The following CACNG3 variants were observed in gnomAD, a reference collection of about 807,000 sequenced individuals.
CACNG3 encodes voltage-dependent calcium channel gamma-3 subunit.
A neutral mutation model predicts 28.5 loss-of-function variants in CACNG3; 3 were observed. That is an observed-to-expected ratio of 0.11 (90% CI 0.05 to 0.27). The LOEUF (loss-of-function observed/expected upper bound fraction) is 0.27, where lower values mean the gene tolerates loss of function less well. CACNG3 is among the 10% of genes least tolerant of loss of function. The probability of loss-of-function intolerance (pLI) is 1.00; values close to 1 mark genes in which losing one functional copy is unlikely to be tolerated. For synonymous variants in CACNG3, 174 were observed against 162.2 expected, an observed-to-expected ratio of 1.07 and a Z score of -0.55; for missense variants, 236 against 414.4, an observed-to-expected ratio of 0.57 and a Z score of 3.74.
chr16:24,291,967 C>T (rs760881946), intron 1 of CACNG3, among the ~76,000 whole-genome samples: 11 of 151,802 alleles, frequency 7.2e-5, no homozygotes, highest in South Asian at 2.1e-4. Context: ...GGAGGCAGAA[C>T]GGAGCAACTT....
At chr16:24,355,007 A>G (rs1287490433) in intron 3 of CACNG3, 34 bp downstream of exon 3, 1 of 1,599,390 alleles carries the variant, frequency 6.3e-7, no homozygotes, top group Non-Finnish European at 8.5e-7. Flanking sequence ...AGATCTTCAC[A>G]GATACCAAAC....
intron 1 of CACNG3, among the ~76,000 whole-genome samples, chr16:24,280,004 T>C (rs1898802974): frequency 6.6e-6 from 1 of 152,238 alleles, no homozygotes; most frequent in Admixed American, 6.5e-5. Context: ...CTATGCTTTT[T>C]TGATCAGGAA....
intron 1 of CACNG3, among the ~76,000 whole-genome samples, chr16:24,323,046 CA>C (rs1177297577): frequency 6.6e-6 from 1 of 151,860 alleles, no homozygotes; most frequent in African/African-American, 2.4e-5. Context: ...GGTAACATGG[CA>C]AGAGCCTGTC....
intron 2 of CACNG3, 60 bp downstream of exon 2, chr16:24,346,877 CAGCTGCCTCTGAGTCGG>C: frequency 7.5e-7 from 1 of 1,334,940 alleles, no homozygotes; most frequent in Non-Finnish European, 1.1e-6. Context: ...TGCCATCACT[CAGCTGCCTCTGAGTCGG>C]AGCTTCCTCA....
rs1898619515 is a variant in CACNG3 at position 24,267,025 on chromosome 16, G to A, written c.211+10060G>A. ...TCTATCGCCCAGGCTGGAGTGCGGTGGCACGATCTCGGCTTAGTACAACCT... is the reference window on the plus strand; with the variant it reads ...TCTATCGCCCAGGCTGGAGTGCGGTAGCACGATCTCGGCTTAGTACAACCT... On this transcript the variant is annotated intron_variant, in intron 1 of 3. Coordinates refer to ENST00000005284, the MANE Select transcript of CACNG3 (RefSeq NM_006539.4). Among the ~76,000 whole-genome samples, 3 of 149,208 alleles carry A rather than the reference G, an allele frequency of 2.0e-5. No individual in the cohort carries two copies. The South Asian group carries it at 6.3e-4, about 32-fold the overall frequency.
intron 1 of CACNG3, among the ~76,000 whole-genome samples, chr16:24,295,641 G>A (rs1899021721): frequency 6.6e-6 from 1 of 152,052 alleles, no homozygotes; most frequent in African/African-American, 2.4e-5. Flanking sequence ...GAGCCTAGGA[G>A]TTTGAGACCA....
chr16:24,319,761 G>A (rs1472234414), intron 1 of CACNG3, among the ~76,000 whole-genome samples: 1 of 150,902 alleles, frequency 6.6e-6, no homozygotes, highest in Non-Finnish European at 1.5e-5. Flanking sequence ...GACTTGTCAG[G>A]GTTATTTTTG....
chr16:24,321,151 C>CTGT (rs1225979342), intron 1 of CACNG3, among the ~76,000 whole-genome samples: 2 of 152,196 alleles, frequency 1.3e-5, no homozygotes, highest in African/African-American at 2.4e-5. Context: ...TGCTAACCAC[C>CTGT]TGTTAGTCAC....
At chr16:24,324,192 G>T (rs1899504557) in intron 1 of CACNG3, among the ~76,000 whole-genome samples, 2 of 152,170 alleles carry the variant, frequency 1.3e-5, no homozygotes, top group African/African-American at 2.4e-5. Flanking sequence ...AAAGGTAAAG[G>T]TCCCAATGTC....
chr16:24,324,876 T>C (rs1567219317), intron 1 of CACNG3, among the ~76,000 whole-genome samples: 1 of 152,148 alleles, frequency 6.6e-6, no homozygotes, highest in Non-Finnish European at 1.5e-5. Flanking sequence ...GCAAGGGGGC[T>C]GTTTCTTTCC....
At chr16:24,311,586 T>C (rs1899264629) in intron 1 of CACNG3, among the ~76,000 whole-genome samples, 1 of 151,550 alleles carries the variant, frequency 6.6e-6, no homozygotes, top group Admixed American at 6.6e-5. Flanking sequence ...CCTGGCGTGG[T>C]GGCTTACACC....
At chr16:24,323,135 G>A (rs1433999131) in intron 1 of CACNG3, among the ~76,000 whole-genome samples, 1 of 150,712 alleles carries the variant, frequency 6.6e-6, no homozygotes, top group Admixed American at 6.7e-5. Context: ...GCTGAGCTGG[G>A]AGGATCAGTT....
chr16:24,342,867 A>G (rs977492289), intron 1 of CACNG3, among the ~76,000 whole-genome samples: 1 of 151,986 alleles, frequency 6.6e-6, no homozygotes, highest in Non-Finnish European at 1.5e-5. Context: ...AAACGTGGGT[A>G]GTAGTAAGCT....
chr16:24,286,659 G>A (rs1409631936), intron 1 of CACNG3, among the ~76,000 whole-genome samples: 1 of 152,082 alleles, frequency 6.6e-6, no homozygotes. Flanking sequence ...AGTACCTTAG[G>A]TACATGTCTT....
chr16:24,308,580 C>T (rs542356963), intron 1 of CACNG3, among the ~76,000 whole-genome samples: 30 of 152,094 alleles, frequency 2.0e-4, no homozygotes, highest in Admixed American at 3.9e-4. Flanking sequence ...TCAGGCCAGG[C>T]GCCGTGGCTC....
rs1567217736 is a variant in CACNG3, at chr16:24,317,700, GAAAGAAAGAAAGA to G, written c.212-29022_212-29010del. On this transcript the variant is annotated intron_variant, in intron 1 of 3. Coordinates refer to ENST00000005284, the MANE Select transcript of CACNG3 (RefSeq NM_006539.4). ...AGAAAGAAAGAAAGAAAGAAAGAAA[GAAAGAAAGAAAGA>G]AAAGAAAGAAAAGAAAAAAGAAATG... Among the ~76,000 whole-genome samples, 474 of 109,888 alleles carry G rather than the reference GAAAGAAAGAAAGA, an allele frequency of 4.3e-3. 34 individuals are homozygous for G. The highest frequency in any genetic ancestry group is 0.015 in the African/African-American group (377 of 25,914). The allele number at this position is 109,888 out of a possible 152,430, so 72.1% of individuals were successfully genotyped here. A position where few individuals can be genotyped will look rare whatever the true frequency, so the allele number is the denominator to read the frequency against.
chr16:24,347,639 C>G (rs138175327), intron 2 of CACNG3, among the ~76,000 whole-genome samples: 8 of 152,180 alleles, frequency 5.3e-5, no homozygotes, highest in Admixed American at 5.2e-4. Context: ...TCTTTGACTT[C>G]CCTCCAGTTT....
intron 1 of CACNG3, among the ~76,000 whole-genome samples, chr16:24,283,413 G>A (rs1480325105): frequency 6.6e-6 from 1 of 152,120 alleles, no homozygotes; most frequent in Non-Finnish European, 1.5e-5. Flanking sequence ...TCAAGCCTAT[G>A]CATCTATTGT....
chr16:24,294,839 C>T (rs145143027), intron 1 of CACNG3, among the ~76,000 whole-genome samples: 66 of 152,218 alleles, frequency 4.3e-4, no homozygotes, highest in East Asian at 1.4e-3. Flanking sequence ...TTTTGGCCTG[C>T]GTATTTCATA....
Sources: gnomAD v4.1 joint callset for allele counts (sites outside exome capture counted in the v4.1 genomes callset) on GRCh38, gnomAD v4.1.1 for gene constraint, MANE v1.5 for transcripts, NCBI Gene and HGNC (gene_info 2026-07-23, HGNC 2026-07-21) for gene names.